The following CACNA1E variants were observed in gnomAD, a reference collection of about 807,000 sequenced individuals.
The protein encoded by CACNA1E is voltage-dependent R-type calcium channel subunit alpha-1E.
Under a neutral mutation model 259.2 loss-of-function variants are expected in CACNA1E, and 40 were observed. The ratio of observed to expected loss-of-function variants is 0.15; its 90% confidence interval spans 0.12 to 0.20. CACNA1E has a LOEUF of 0.20. Ranked by LOEUF, CACNA1E falls within the 10% of genes least tolerant of loss-of-function variation. The probability of loss-of-function intolerance (pLI) is 1.00; values close to 1 mark genes in which losing one functional copy is unlikely to be tolerated. For missense variants in CACNA1E, 1,874 were observed against 3,040.1 expected, an observed-to-expected ratio of 0.62 and a Z score of 9.02; for synonymous variants, 1,104 against 1,138.5, an observed-to-expected ratio of 0.97 and a Z score of 0.61.
At position 181,806,129 on chromosome 1, in the gene CACNA1E, G is replaced by C. The variant is rs552130933; in HGVS notation, c.*7295G>C. 3 of 152,150 alleles carry C rather than the reference G, an allele frequency of 2.0e-5. No homozygotes were observed. The highest frequency in any genetic ancestry group is 1.9e-4 in the East Asian group (1 of 5,188). 9.4% of individuals were successfully genotyped at this position (152,150 alleles called of 1,614,324 possible). On this transcript the variant is annotated 3_prime_UTR_variant, in exon 48 of 48. Transcript: ENST00000367573. ...AGAGGTTCTTGCTTTAAAGCGGCTC[G>C]AAGACAATCTTTATGACTTCAGCAA...
chr1:181,525,939 C>T (rs1416217083), intron 3 of CACNA1E, among the ~76,000 whole-genome samples: 6 of 152,196 alleles, frequency 3.9e-5, no homozygotes, highest in Non-Finnish European at 8.8e-5. Flanking sequence ...GGTTTATAGC[C>T]CTAAGGAAAG....
chr1:181,509,517 C>G (rs1291875747), intron 1 of CACNA1E, among the ~76,000 whole-genome samples: 2 of 152,160 alleles, frequency 1.3e-5, no homozygotes, highest in Non-Finnish European at 2.9e-5. Flanking sequence ...GCTGCAGTAG[C>G]TAACTTGTGT....
Position 181,655,329 on chromosome 1 carries a change from C to G in CACNA1E, c.1055+3888C>G, listed in dbSNP as rs560209122. On this transcript the variant is annotated intron_variant, in intron 7 of 47. Transcript: ENST00000367573. ...GAATCATCATGAAATTTCAGAATAT[C>G]AGATTAAAAAATATTCTGAAAGTGC... 4.6e-5 allele frequency among the ~76,000 whole-genome samples: 7 copies of G among 152,092 alleles called. No individual in the cohort carries two copies. In the South Asian group the frequency reaches 6.2e-4, roughly 14 times the overall value.
At chr1:181,566,988 C>T (rs1305918346) in intron 3 of CACNA1E, among the ~76,000 whole-genome samples, 1 of 152,036 alleles carries the variant, frequency 6.6e-6, no homozygotes, top group East Asian at 1.9e-4. Context: ...TACACTACTA[C>T]CATGCATAAG....
intron 32 of CACNA1E, among the ~76,000 whole-genome samples, chr1:181,759,299 C>G (rs998818478): frequency 6.6e-6 from 1 of 151,938 alleles, no homozygotes; most frequent in African/African-American, 2.4e-5. Flanking sequence ...CCTATTAGTC[C>G]TTCTGCCATT....
rs968302086 is a variant in CACNA1E, at chr1:181,731,324, G to C, written c.2297+93G>C. On this transcript the variant is annotated intron_variant, in intron 19 of 47. Transcript: ENST00000367573. ...CTTGCCATAGACAAAGTGGCACTGGGTGTGCATGTCAGTGTGTGGCTTGGT... is the reference window on the plus strand; with the variant it reads ...CTTGCCATAGACAAAGTGGCACTGGCTGTGCATGTCAGTGTGTGGCTTGGT... 38 of 953,136 alleles carry C rather than the reference G, an allele frequency of 4.0e-5. No homozygotes were observed. In the Admixed American group the frequency reaches 6.7e-4, roughly 17 times the overall value. 59.0% of individuals were successfully genotyped at this position (953,136 alleles called of 1,614,324 possible). A position where few individuals can be genotyped will look rare whatever the true frequency, so the allele number is the denominator to read the frequency against.
At chr1:181,405,982 T>A (rs1657437209) in intron 1 of CACNA1E, among the ~76,000 whole-genome samples, 1 of 152,222 alleles carries the variant, frequency 6.6e-6, no homozygotes, top group South Asian at 2.1e-4. Context: ...TTATATATTG[T>A]CTATGCTGCT....
chr1:181,647,238 C>T (rs1032480280), intron 6 of CACNA1E, among the ~76,000 whole-genome samples: 1 of 152,178 alleles, frequency 6.6e-6, no homozygotes, highest in African/African-American at 2.4e-5. Context: ...CCCTGGTTTC[C>T]CTTAGCTGCT....
intron 1 of CACNA1E, among the ~76,000 whole-genome samples, chr1:181,337,695 T>A (rs1168073825): frequency 6.6e-6 from 1 of 152,236 alleles, no homozygotes; most frequent in Non-Finnish European, 1.5e-5. Flanking sequence ...GAGTATCTCA[T>A]TTTTTAAGGC....
At chr1:181,651,480 A>C in intron 7 of CACNA1E, 39 bp downstream of exon 7, 2 of 1,404,084 alleles carry the variant, frequency 1.4e-6, no homozygotes, top group Non-Finnish European at 2.0e-6. Flanking sequence ...TCATTTGCTG[A>C]CTGCTAACTG....
intron 1 of CACNA1E, among the ~76,000 whole-genome samples, chr1:181,375,591 T>C (rs1655051123): frequency 6.6e-6 from 1 of 152,240 alleles, no homozygotes; most frequent in Non-Finnish European, 1.5e-5. Context: ...GGTTAGCTTA[T>C]TTTAATATTC....
intron 1 of CACNA1E, among the ~76,000 whole-genome samples, chr1:181,504,051 A>G (rs1675165695): frequency 6.6e-6 from 1 of 152,174 alleles, no homozygotes; most frequent in Non-Finnish European, 1.5e-5. Context: ...GTCAAAGTCC[A>G]CTTATTAGGA....
intron 44 of CACNA1E, among the ~76,000 whole-genome samples, chr1:181,791,653 C>A (rs113759178): frequency 6.6e-6 from 1 of 152,044 alleles, no homozygotes; most frequent in South Asian, 2.1e-4. Flanking sequence ...CCCACCCCGA[C>A]CTTAGCTTAG....
Position 181,740,437 on chromosome 1 carries a change from G to T in CACNA1E, c.3719+1184G>T, listed in dbSNP as rs113350418. Among the ~76,000 whole-genome samples, 699 of 151,918 alleles carry T rather than the reference G, an allele frequency of 4.6e-3. 12 individuals are homozygous for T. The highest frequency in any genetic ancestry group is 0.016 in the African/African-American group (667 of 41,416). On this transcript the variant is annotated intron_variant, in intron 25 of 47. Transcript: ENST00000367573. ...CTCCCCAAGCTTCTCTTCAAGCACT[G>T]TCAGCTGCTGTCTCTTATCCTTTCT...
intron 3 of CACNA1E, among the ~76,000 whole-genome samples, chr1:181,557,566 A>G (rs762915233): frequency 5.9e-5 from 9 of 152,156 alleles, no homozygotes; most frequent in Non-Finnish European, 1.0e-4. Flanking sequence ...TTTTCACCCC[A>G]GTGATTGCCT....
At chr1:181,740,513 G>A (rs751589579) in intron 25 of CACNA1E, among the ~76,000 whole-genome samples, 1 of 152,022 alleles carries the variant, frequency 6.6e-6, no homozygotes, top group Non-Finnish European at 1.5e-5. Flanking sequence ...CAAGTGGCCT[G>A]GTGGGGGTGG....
intron 17 of CACNA1E, among the ~76,000 whole-genome samples, chr1:181,725,149 G>T (rs73043488): frequency 0.017 from 2,583 of 152,346 alleles, 59 homozygotes; most frequent in African/African-American, 0.055. Flanking sequence ...TTCACAGAGG[G>T]TGCCAATTTG....
At chr1:181,427,562 C>G (rs1371013937) in intron 2 of CACNA1E, among the ~76,000 whole-genome samples, 1 of 137,370 alleles carries the variant, frequency 7.3e-6, no homozygotes, top group African/African-American at 2.7e-5. Context: ...TTCAACCCCT[C>G]CCCCACCTCA....
At chr1:181,695,735 G>T (rs1173747596) in intron 7 of CACNA1E, among the ~76,000 whole-genome samples, 1 of 152,104 alleles carries the variant, frequency 6.6e-6, no homozygotes, top group Non-Finnish European at 1.5e-5. Context: ...TGAGGTGGGC[G>T]AATCACTTGA....
Sources: gnomAD v4.1 joint callset for allele counts (sites outside exome capture counted in the v4.1 genomes callset) on GRCh38, gnomAD v4.1.1 for gene constraint, MANE v1.5 for transcripts, NCBI Gene and HGNC (gene_info 2026-07-23, HGNC 2026-07-21) for gene names.